Variants in SERPINA4 observed in about 807,000 individuals in gnomAD.
SERPINA4 encodes kallistatin.
A neutral mutation model predicts 25.4 loss-of-function variants in SERPINA4; 24 were observed. That is an observed-to-expected ratio of 0.95 (90% CI 0.69 to 1.33). SERPINA4 has a LOEUF of 1.33. Among genes scored for constraint, SERPINA4 ranks in the 40% most tolerant of loss-of-function variants. The pLI is 0.00. For missense variants in SERPINA4, 553 were observed against 535.8 expected, an observed-to-expected ratio of 1.03 and a Z score of -0.32; for synonymous variants, 242 against 223.6, an observed-to-expected ratio of 1.08 and a Z score of -0.73.
At position 94,564,031 on chromosome 14, in the gene SERPINA4, C is replaced by T. The variant is rs139198134; in HGVS notation, c.549C>T (p.Asn183=). 362 of 1,613,014 alleles carry T rather than the reference C, an allele frequency of 2.2e-4. 5 individuals carry two copies. The highest frequency in any genetic ancestry group is 1.8e-3 in the South Asian group (166 of 91,074). Residue 183 remains asparagine, a synonymous_variant, in exon 2 of 5, where the codon AAC becomes AAT. Transcript: ENST00000557004. ...CTGTGGGCACAATCCAGCTTATCAA[C>T]GACCACGTCAAGAAGGAAACTCGAG... ...YDTVGTIQLI[N]DHVKKETRGK...
At chr14:94,565,827 G>C (rs1476121012) in intron 2 of SERPINA4, among the ~76,000 whole-genome samples, 1 of 151,986 alleles carries the variant, frequency 6.6e-6, no homozygotes, top group African/African-American at 2.4e-5. Flanking sequence ...CTCTGGTCTG[G>C]GTGACAGAAT....
chr14:94,567,358 A>C, intron 3 of SERPINA4, 115 bp downstream of exon 3: 2 of 1,169,806 alleles, frequency 1.7e-6, no homozygotes, highest in Non-Finnish European at 2.4e-6. Context: ...GAGAATTCTC[A>C]CTTGCTCTGA....
intron 2 of SERPINA4, 49 bp downstream of exon 2, chr14:94,564,180 A>T (rs1305046735): frequency 1.3e-6 from 2 of 1,557,654 alleles, no homozygotes; most frequent in African/African-American, 2.7e-5. Flanking sequence ...ACCGCCTCCA[A>T]CCCACTAATT....
rs186891203 is a variant in SERPINA4, at chr14:94,562,145, G to A, written c.-18+651G>A. ...ATATGAAATTCACATTTCAGTGTCC[G>A]TAAGTGAAGTTTCACTGAAACACAG... On this transcript the variant is annotated intron_variant, in intron 1 of 4. Transcript: ENST00000557004. Among the ~76,000 whole-genome samples the A allele has an allele frequency of 6.6e-5, 10 of 152,306 alleles. No individual in the cohort carries two copies. The East Asian group carries it at 7.7e-4, about 12-fold the overall frequency.
intron 4 of SERPINA4, among the ~76,000 whole-genome samples, chr14:94,568,721 G>T (rs950554382): frequency 4.6e-5 from 7 of 152,034 alleles, no homozygotes; most frequent in Admixed American, 4.6e-4. Context: ...ATGGTGTGGT[G>T]GCGGGTGGTG....
chr14:94,568,940 G>A (rs10139629), intron 4 of SERPINA4, among the ~76,000 whole-genome samples: 35,695 of 151,632 alleles, frequency 0.24, 4,440 homozygotes, highest in South Asian at 0.35. Context: ...GGGTGCGTCT[G>A]TATTAGGGAG....
rs1279417092 is a variant in SERPINA4, at chr14:94,569,380, T to C, written c.1084-15T>C. The stretch of plus-strand genomic sequence containing the variant: ...CTTGCTGGCTTGGAGATAATGCTTG[T>C]GATTTTCCTCCCAGAGTTTCCACAA... On this transcript the variant is annotated splice_polypyrimidine_tract_variant and intron_variant, in intron 4 of 4. Transcript: ENST00000557004. The C allele has an allele frequency of 6.2e-7, 1 of 1,612,084 alleles. No homozygotes were observed. The highest frequency in any genetic ancestry group is 1.1e-5 in the South Asian group (1 of 90,988).
chr14:94,569,776 T>G lies in SERPINA4; in HGVS notation c.*181T>G. 1.6e-6 allele frequency: 1 copy of G among 636,846 alleles called. No individual in the cohort carries two copies. The highest frequency in any genetic ancestry group is 2.7e-6 in the Non-Finnish European group (1 of 367,930). The allele number at this position is 636,846 out of a possible 1,614,324, so 39.4% of individuals were successfully genotyped here. ...ACTGAGATGGGCAGGGCCTGGACAT[T>G]CCACACCCTGGTGCTGTGCAGCCTC... On this transcript the variant is annotated 3_prime_UTR_variant, in exon 5 of 5. Transcript: ENST00000557004.
Position 94,567,058 on chromosome 14 carries a change from G to A in SERPINA4, c.738G>A (p.Met246Ile), listed in dbSNP as rs1902236841. Residue 246 changes from methionine to isoleucine, a missense_variant, in exon 3 of 5, where the codon ATG (methionine) becomes ATA (isoleucine). Met to Ile is a conservative substitution (Grantham distance 10). Coordinates refer to ENST00000557004, the MANE Select transcript of SERPINA4 (RefSeq NM_006215.4). Reference protein sequence around the residue: ...DENTTVRVPMMLQDQEHHWYL... With the variant: ...DENTTVRVPMILQDQEHHWYL... ...ACACAACAGTCCGGGTGCCCATGAT[G>A]CTGCAGGACCAGGAGCATCACTGGT... 12 of 1,614,072 alleles carry A rather than the reference G, an allele frequency of 7.4e-6. No homozygotes were observed. The highest frequency in any genetic ancestry group is 1.0e-5 in the Non-Finnish European group (12 of 1,180,048).
At chr14:94,564,164 C>T in intron 2 of SERPINA4, 33 bp downstream of exon 2, 5 of 1,582,442 alleles carry the variant, frequency 3.2e-6, no homozygotes, top group African/African-American at 1.3e-5. Flanking sequence ...ATGCTAAATC[C>T]ACACCACCGC....
At chr14:94,566,307 A>G (rs1902207311) in intron 2 of SERPINA4, among the ~76,000 whole-genome samples, 2 of 152,098 alleles carry the variant, frequency 1.3e-5, no homozygotes, top group Admixed American at 1.3e-4. Context: ...GTGAATGCAA[A>G]TTTTCATTGA....
intron 2 of SERPINA4, among the ~76,000 whole-genome samples, chr14:94,566,471 C>T (rs1902214644): frequency 6.6e-6 from 1 of 152,154 alleles, no homozygotes. Context: ...ATCAGTTAAA[C>T]AGGAAATCTC....
At chr14:94,563,192 G>C (rs771579217) in intron 1 of SERPINA4, among the ~76,000 whole-genome samples, 6 of 152,194 alleles carry the variant, frequency 3.9e-5, no homozygotes, top group Non-Finnish European at 7.3e-5. Context: ...TGAGAATGGA[G>C]TCTAGTGCTG....
chr14:94,567,317 C>T lies in SERPINA4; in HGVS notation c.923+74C>T, dbSNP rs1398854777. On this transcript the variant is annotated intron_variant, in intron 3 of 4. Transcript: ENST00000557004. ...GTAACTTTCTAATGAAAGACAGTGC[C>T]CCAAAATAGAGAGTGAACACCAAAT... is the stretch of plus-strand genomic sequence containing the variant. 6 of 1,492,346 alleles carry T rather than the reference C, an allele frequency of 4.0e-6. No homozygotes were observed. In the African/African-American group the frequency reaches 4.2e-5, roughly 10 times the overall value. 92.4% of individuals were successfully genotyped at this position (1,492,346 alleles called of 1,614,324 possible).
Position 94,569,725 on chromosome 14 carries a change from C to A in SERPINA4, c.*130C>A. On this transcript the variant is annotated 3_prime_UTR_variant, in exon 5 of 5. Transcript: ENST00000557004. ...GTCCAGGAGTCCAGGACAGCAGGTGCTGGCCGGTGGGGAGCGGGGAGGGGC... is the reference window on the plus strand; with the variant it reads ...GTCCAGGAGTCCAGGACAGCAGGTGATGGCCGGTGGGGAGCGGGGAGGGGC... The A allele has an allele frequency of 1.0e-6, 1 of 1,004,006 alleles. No homozygotes were observed. Among genetic ancestry groups the A allele is most frequent in the Non-Finnish European group, 1.5e-6 (1 of 679,066 alleles). 62.2% of individuals were successfully genotyped at this position (1,004,006 alleles called of 1,614,324 possible). A position where few individuals can be genotyped will look rare whatever the true frequency, so the allele number is the denominator to read the frequency against.
rs558710908 is a variant in SERPINA4, at chr14:94,563,399, C to T, written c.-17-67C>T. 5 of 1,503,100 alleles carry T rather than the reference C, an allele frequency of 3.3e-6. No homozygotes were observed. In the East Asian group the frequency reaches 6.8e-5, roughly 21 times the overall value. 93.1% of individuals were successfully genotyped at this position (1,503,100 alleles called of 1,614,324 possible). On this transcript the variant is annotated intron_variant, in intron 1 of 4. Coordinates refer to ENST00000557004, the MANE Select transcript of SERPINA4 (RefSeq NM_006215.4). ...CGATCTCCGGGTGCTGGCCCACTGC[C>T]AGCCTTCTCAGTAGGGCCAGGTGTT...
chr14:94,568,172 A>T lies in SERPINA4; in HGVS notation c.967A>T (p.Ile323Phe). Residue 323 changes from isoleucine to phenylalanine, a missense_variant, in exon 4 of 5, where the codon ATT becomes TTT. Ile to Phe is a conservative substitution (Grantham distance 21). Coordinates refer to ENST00000557004, the MANE Select transcript of SERPINA4 (RefSeq NM_006215.4). ...AGAGTTGCATCTTCCCAAGTTCTCC[A>T]TTTCTGGCTCCTATGTATTAGATCA... ...KLELHLPKFSISGSYVLDQIL... is the reference protein window; with the variant it reads ...KLELHLPKFSFSGSYVLDQIL... The T allele has an allele frequency of 6.2e-7, 1 of 1,614,198 alleles. No homozygotes were observed. The highest frequency in any genetic ancestry group is 8.5e-7 in the Non-Finnish European group (1 of 1,180,032).
chr14:94,562,508 T>G (rs1251956942), intron 1 of SERPINA4, among the ~76,000 whole-genome samples: 1 of 151,592 alleles, frequency 6.6e-6, no homozygotes, highest in African/African-American at 2.4e-5. Context: ...AAGGGTGAAG[T>G]GGGAGGATCA....
At chr14:94,565,617 G>A (rs1276205283) in intron 2 of SERPINA4, among the ~76,000 whole-genome samples, 3 of 151,606 alleles carry the variant, frequency 2.0e-5, no homozygotes, top group African/African-American at 7.3e-5. Context: ...GGAGGCCAAG[G>A]CAGGTGGATA....
Sources: gnomAD v4.1 joint callset for allele counts (sites outside exome capture counted in the v4.1 genomes callset) on GRCh38, gnomAD v4.1.1 for gene constraint, MANE v1.5 for transcripts, NCBI Gene and HGNC (gene_info 2026-07-23, HGNC 2026-07-21) for gene names.